ARHGAP24: variants seen among roughly 807,000 people sequenced by gnomAD.
ARHGAP24 encodes rho GTPase-activating protein 24.
Under a neutral mutation model 76.4 loss-of-function variants are expected in ARHGAP24, and 50 were observed. The ratio of observed to expected loss-of-function variants is 0.65; its 90% CI spans 0.52 to 0.83. The LOEUF is 0.83. ARHGAP24 is among the 40% of genes least tolerant of loss of function. The probability of loss-of-function intolerance (pLI) is 0.00; values close to 1 mark genes in which losing one functional copy is unlikely to be tolerated. For synonymous variants in ARHGAP24, 345 were observed against 323.3 expected (o/e 1.07, Z -0.72); for missense variants, 930 against 914.2 (o/e 1.02, Z -0.22).
chr4:85,481,592 G>A (rs1316489479), intron 1 of ARHGAP24, among the ~76,000 whole-genome samples: 1 of 152,184 alleles, frequency 6.6e-6, no homozygotes, highest in African/African-American at 2.4e-5. Flanking sequence ...TCAATCTATA[G>A]TGATTAGCCT....
chr4:85,711,444 A>ATTTTTTTTTATTTTTAATTTT (rs1179406356), intron 2 of ARHGAP24, among the ~76,000 whole-genome samples: 5 of 152,180 alleles, frequency 3.3e-5, no homozygotes, highest in Non-Finnish European at 5.9e-5. Context: ...TCTGCATATT[A>ATTTTTTTTTATTTTTAATTTT]CTTTTATTTT....
At chr4:85,623,714 T>C (rs1487178521) in intron 2 of ARHGAP24, among the ~76,000 whole-genome samples, 2 of 151,990 alleles carry the variant, frequency 1.3e-5, no homozygotes, top group Admixed American at 1.3e-4. Context: ...TGATTCTTCC[T>C]ACCCATGAGC....
At chr4:85,848,272 T>G (rs761430490) in intron 3 of ARHGAP24, among the ~76,000 whole-genome samples, 1 of 152,124 alleles carries the variant, frequency 6.6e-6, no homozygotes, top group Non-Finnish European at 1.5e-5. Flanking sequence ...CCATGTTGGT[T>G]TGCTGCACCC....
chr4:85,721,754 A>T (rs77500011), intron 2 of ARHGAP24, 131 bp from the exon 3 acceptor site: 1 of 765,068 alleles, frequency 1.3e-6, no homozygotes, highest in African/African-American at 1.7e-5. Context: ...ATTATTGGGA[A>T]TATAAAAGAT....
intron 1 of ARHGAP24, among the ~76,000 whole-genome samples, chr4:85,476,851 T>C (rs1185533043): frequency 6.6e-6 from 1 of 151,932 alleles, no homozygotes; most frequent in Non-Finnish European, 1.5e-5. Context: ...CCCTTTTAAA[T>C]TTCTTAATTC....
intron 3 of ARHGAP24, among the ~76,000 whole-genome samples, chr4:85,812,331 AT>A (rs1282358880): frequency 2.6e-5 from 4 of 152,164 alleles, no homozygotes; most frequent in Non-Finnish European, 5.9e-5. Flanking sequence ...AGTAAATCTT[AT>A]TACTTATAAG....
intron 3 of ARHGAP24, among the ~76,000 whole-genome samples, chr4:85,753,721 A>G (rs185222233): frequency 3.2e-4 from 49 of 152,244 alleles, no homozygotes; most frequent in African/African-American, 1.1e-3. Flanking sequence ...GTATAGCAAT[A>G]GTTTTTTCTA....
chr4:85,956,849 G>A (rs749945512), intron 5 of ARHGAP24, among the ~76,000 whole-genome samples: 39 of 152,230 alleles, frequency 2.6e-4, no homozygotes, highest in Admixed American at 7.8e-4. Context: ...TAACAAACAC[G>A]GACCAGAAGA....
At position 85,610,268 on chromosome 4, in the gene ARHGAP24, C is replaced by T. The variant is rs565391596; in HGVS notation, c.180+39547C>T. Among the ~76,000 whole-genome samples the T allele has an allele frequency of 2.6e-5, 4 of 151,720 alleles. No homozygotes were observed. In the South Asian group the frequency reaches 6.3e-4, roughly 24 times the overall value. ...ACCATCCTGGCTAACACGGTGAAAC[C>T]TTGTCTCTACTAAAAATCCAAAAAA... On this transcript the variant is annotated intron_variant, in intron 2 of 9. Transcript: ENST00000395184.
intron 2 of ARHGAP24, among the ~76,000 whole-genome samples, chr4:85,707,515 G>A (rs1402769746): frequency 6.6e-6 from 1 of 152,124 alleles, no homozygotes; most frequent in African/African-American, 2.4e-5. Context: ...TAAAATACAA[G>A]TTGATTTTAA....
chr4:85,796,679 G>T (rs1728354650), intron 3 of ARHGAP24, among the ~76,000 whole-genome samples: 1 of 152,118 alleles, frequency 6.6e-6, no homozygotes, highest in South Asian at 2.1e-4. Flanking sequence ...GTACTCTAAA[G>T]AATATAAGAA....
intron 2 of ARHGAP24, among the ~76,000 whole-genome samples, chr4:85,649,496 A>G (rs1721853446): frequency 6.6e-6 from 1 of 152,058 alleles, no homozygotes; most frequent in Non-Finnish European, 1.5e-5. Context: ...CCCTTCATTA[A>G]CGGCTTGATA....
At chr4:85,882,468 A>G (rs1270389854) in intron 3 of ARHGAP24, among the ~76,000 whole-genome samples, 1 of 152,082 alleles carries the variant, frequency 6.6e-6, no homozygotes, top group Non-Finnish European at 1.5e-5. Flanking sequence ...GAAATTAGGA[A>G]ATCTGACTTC....
intron 2 of ARHGAP24, among the ~76,000 whole-genome samples, chr4:85,690,674 C>A (rs1723617602): frequency 6.9e-6 from 1 of 144,384 alleles, no homozygotes; most frequent in Non-Finnish European, 1.5e-5. Flanking sequence ...TTTGTCATTT[C>A]TAATTTTGTT....
At chr4:85,816,639 TA>T (rs1222713746) in intron 3 of ARHGAP24, among the ~76,000 whole-genome samples, 2 of 152,196 alleles carry the variant, frequency 1.3e-5, no homozygotes, top group African/African-American at 4.8e-5. Context: ...TTGGTATACA[TA>T]TATGTATAAC....
intron 1 of ARHGAP24, among the ~76,000 whole-genome samples, chr4:85,480,538 C>G (rs902725319): frequency 6.6e-6 from 1 of 152,108 alleles, no homozygotes; most frequent in African/African-American, 2.4e-5. Context: ...ATGATGAAAA[C>G]AGATTGAATA....
intron 1 of ARHGAP24, among the ~76,000 whole-genome samples, chr4:85,478,152 C>T (rs1223486075): frequency 1.3e-5 from 2 of 152,178 alleles, no homozygotes; most frequent in East Asian, 1.9e-4. Flanking sequence ...CCATTCTTCA[C>T]TGATCACATT....
At chr4:85,824,753 C>T (rs1729633454) in intron 3 of ARHGAP24, among the ~76,000 whole-genome samples, 1 of 152,048 alleles carries the variant, frequency 6.6e-6, no homozygotes, top group African/African-American at 2.4e-5. Context: ...TTATTTTCTG[C>T]CATGGTAATT....
rs542849407 is a variant in ARHGAP24, at chr4:85,905,395, G to C, written c.269-18253G>C. ...TCAGAAAAGACAGTCTGTTTTTTTG[G>C]CATGAAAAAAATTGTGATAATTAAC... On this transcript the variant is annotated intron_variant, in intron 3 of 9. Transcript: ENST00000395184. Among the ~76,000 whole-genome samples the C allele has an allele frequency of 2.0e-5, 3 of 150,988 alleles. No individual in the cohort carries two copies. In the South Asian group the frequency reaches 6.3e-4, roughly 32 times the overall value.
Sources: gnomAD v4.1 joint callset for allele counts (sites outside exome capture counted in the v4.1 genomes callset) on GRCh38, gnomAD v4.1.1 for gene constraint, MANE v1.5 for transcripts, NCBI Gene and HGNC (gene_info 2026-07-23, HGNC 2026-07-21) for gene names.